The following WWTR1 variants were observed in gnomAD, a reference collection of about 807,000 sequenced individuals.
WWTR1 encodes WW domain-containing transcription regulator protein 1.
WWTR1 carries 13 observed loss-of-function variants against 40.1 expected under a neutral mutation model. The ratio of observed to expected loss-of-function variants is 0.32; its 90% CI spans 0.21 to 0.52. WWTR1 has a LOEUF of 0.52. Among genes scored for constraint, WWTR1 ranks in the 20% least tolerant of loss-of-function variants. WWTR1 has a pLI of 0.97. For synonymous variants in WWTR1, 230 were observed against 210.1 expected, an observed-to-expected ratio of 1.09 and a Z score of -0.82; for missense variants, 436 against 523.1, an observed-to-expected ratio of 0.83 and a Z score of 1.63.
At chr3:149,570,564 T>C (rs1451311955) in intron 3 of WWTR1, among the ~76,000 whole-genome samples, 1 of 132,332 alleles carries the variant, frequency 7.6e-6, no homozygotes, top group Non-Finnish European at 1.6e-5. Flanking sequence ...TGAGCCTCTT[T>C]CTCAAAATAA....
intron 1 of WWTR1, among the ~76,000 whole-genome samples, chr3:149,692,617 CTGTT>C (rs138842308): frequency 0.19 from 28,980 of 150,862 alleles, 2,956 homozygotes; most frequent in Non-Finnish European, 0.21. Context: ...ACTTTCACCA[CTGTT>C]TGTTTGTTTG....
chr3:149,614,703 G>A (rs1438260403), intron 2 of WWTR1, among the ~76,000 whole-genome samples: 1 of 152,034 alleles, frequency 6.6e-6, no homozygotes, highest in African/African-American at 2.4e-5. Flanking sequence ...ATAGCTTAGG[G>A]TGAGCATGGT....
At chr3:149,628,956 A>G (rs1019809357) in intron 2 of WWTR1, among the ~76,000 whole-genome samples, 1 of 151,818 alleles carries the variant, frequency 6.6e-6, no homozygotes, top group Non-Finnish European at 1.5e-5. Flanking sequence ...AAAAAATTGT[A>G]GAGATGGGTC....
At chr3:149,640,136 C>A (rs1712081052) in intron 2 of WWTR1, among the ~76,000 whole-genome samples, 1 of 152,128 alleles carries the variant, frequency 6.6e-6, no homozygotes, top group South Asian at 2.1e-4. Context: ...ATTGTGCCTA[C>A]TTTTCTTACA....
intron 2 of WWTR1, among the ~76,000 whole-genome samples, chr3:149,618,915 C>A (rs2108081219): frequency 6.6e-6 from 1 of 152,270 alleles, no homozygotes; most frequent in East Asian, 1.9e-4. Flanking sequence ...GTGCAAGAGC[C>A]AACATCTCCT....
upstream of WWTR1, among the ~76,000 whole-genome samples, chr3:149,706,388 G>A (rs1244374832): frequency 3.3e-5 from 5 of 151,764 alleles, no homozygotes; most frequent in Admixed American, 6.6e-5. Context: ...GCGTGATCTC[G>A]GCTCACCACA....
chr3:149,659,704 T>C (rs1357630956), upstream of WWTR1: 1 of 151,908 alleles, frequency 6.6e-6, no homozygotes, highest in Non-Finnish European at 1.5e-5. Context: ...AGGAGAAAAG[T>C]TTAAGGAAAA....
At chr3:149,711,113 T>C (rs920383536) in intron 5 of WWTR1, among the ~76,000 whole-genome samples, 2 of 139,524 alleles carry the variant, frequency 1.4e-5, no homozygotes, top group Non-Finnish European at 3.0e-5. Context: ...GGAAAGAAGA[T>C]GGGAAGGGGT....
chr3:149,640,876 C>A lies in WWTR1; in HGVS notation c.431+16000G>T, dbSNP rs551983606. On this transcript the variant is annotated intron_variant, in intron 2 of 6. Transcript: ENST00000360632. The stretch of plus-strand genomic sequence containing the variant: ...TAAAACATGATGTCATTTGTGGTTG[C>A]TTTATTTTGTATTTACTATACAGAT... 9.9e-5 allele frequency among the ~76,000 whole-genome samples: 15 copies of A among 152,212 alleles called. No individual in the cohort carries two copies. In the South Asian group the frequency reaches 2.5e-3, roughly 25 times the overall value.
Position 149,526,064 on chromosome 3 carries a change from C to T in WWTR1, c.967G>A (p.Val323Ile), listed in dbSNP as rs769887249. 1.2e-6 allele frequency: 2 copies of T among 1,610,532 alleles called. No homozygotes were observed. The highest frequency in any genetic ancestry group is 2.2e-5 in the South Asian group (2 of 90,496). ...AGGAAGTCCTCCGGAGTTGTGGGGA[C>T]ACTGTAGCACCCTAACCCCAGGCCA... is the stretch of plus-strand genomic sequence containing the variant. ...DSGLGLGCYSVPTTPEDFLSN... is the reference protein window; with the variant it reads ...DSGLGLGCYSIPTTPEDFLSN... Residue 323 changes from valine to isoleucine, a missense_variant, in exon 6 of 7, where the codon GTC (valine) becomes ATC (isoleucine). Val to Ile is a conservative substitution (Grantham distance 29). Transcript: ENST00000360632.
intron 2 of WWTR1, among the ~76,000 whole-genome samples, chr3:149,612,046 A>T (rs1342348197): frequency 1.3e-5 from 2 of 152,186 alleles, no homozygotes; most frequent in Non-Finnish European, 2.9e-5. Flanking sequence ...GGGGCAAGAG[A>T]CTGGCTTAGA....
Position 149,592,472 on chromosome 3 carries a change from A to C in WWTR1, c.432-19472T>G, listed in dbSNP as rs1402117018. ...CAGGCGTTCCTATCCAAAGGCACTGAATAAATGTAAGTACAATGCTATGAA... is the reference window on the plus strand; with the variant it reads ...CAGGCGTTCCTATCCAAAGGCACTGCATAAATGTAAGTACAATGCTATGAA... On this transcript the variant is annotated intron_variant, in intron 2 of 6. Coordinates refer to ENST00000360632, the MANE Select transcript of WWTR1 (RefSeq NM_015472.6). Among the ~76,000 whole-genome samples the C allele has an allele frequency of 2.0e-5, 3 of 152,238 alleles. No individual in the cohort carries two copies. In the East Asian group the frequency reaches 5.8e-4, roughly 29 times the overall value.
intron 1 of WWTR1, among the ~76,000 whole-genome samples, chr3:149,689,557 T>C (rs1714755587): frequency 6.6e-6 from 1 of 151,894 alleles, no homozygotes; most frequent in African/African-American, 2.4e-5. Flanking sequence ...GTGGGAACCT[T>C]GCAGGCCGGG....
chr3:149,605,993 A>G (rs747834662), intron 2 of WWTR1, among the ~76,000 whole-genome samples: 1 of 152,218 alleles, frequency 6.6e-6, no homozygotes, highest in Non-Finnish European at 1.5e-5. Context: ...TAGTTAGATC[A>G]TGGGGGCAGA....
chr3:149,548,592 G>T (rs938994402), intron 3 of WWTR1, among the ~76,000 whole-genome samples: 2 of 152,234 alleles, frequency 1.3e-5, no homozygotes, highest in Non-Finnish European at 1.5e-5. Flanking sequence ...GCTCTGAGTA[G>T]ATCATGGAAA....
intron 3 of WWTR1, among the ~76,000 whole-genome samples, chr3:149,559,890 C>G: frequency 6.6e-6 from 1 of 152,214 alleles, no homozygotes; most frequent in East Asian, 1.9e-4. Context: ...AAAACATAGA[C>G]AGCCTAGGAA....
intron 2 of WWTR1, among the ~76,000 whole-genome samples, chr3:149,603,980 T>C (rs1739374676): frequency 6.6e-6 from 1 of 151,798 alleles, no homozygotes; most frequent in Non-Finnish European, 1.5e-5. Context: ...TCATGATACA[T>C]ACAGATAATT....
intron 2 of WWTR1, among the ~76,000 whole-genome samples, chr3:149,634,700 A>G (rs1576611812): frequency 6.6e-6 from 1 of 152,112 alleles, no homozygotes; most frequent in Admixed American, 6.5e-5. Context: ...GTGCAAGTCC[A>G]CCTCTCCTGT....
At position 149,578,709 on chromosome 3, in the gene WWTR1, C is replaced by A. The variant is rs138746039; in HGVS notation, c.432-5709G>T. Reference sequence around the variant, plus strand: ...GGTCGGGAGTTAGAGACTAGCCTGGCGAACATGGAGAAACCCTGTCTCTAC... The same window carrying A: ...GGTCGGGAGTTAGAGACTAGCCTGGAGAACATGGAGAAACCCTGTCTCTAC... On this transcript the variant is annotated intron_variant, in intron 2 of 6. Transcript: ENST00000360632. Among the ~76,000 whole-genome samples, 1,088 of 152,114 alleles carry A rather than the reference C, an allele frequency of 7.2e-3. 16 individuals carry two copies. Among genetic ancestry groups the A allele is most frequent in the African/African-American group, 0.024 (1,005 of 41,488 alleles).
Sources: allele counts gnomAD v4.1 joint callset (sites outside exome capture counted in the v4.1 genomes callset), GRCh38; gene constraint gnomAD v4.1.1; transcripts MANE v1.5; gene names NCBI Gene and HGNC (gene_info 2026-07-23, HGNC 2026-07-21).